The following DIAPH3 variants were observed in gnomAD, a reference collection of about 807,000 sequenced individuals.
DIAPH3 encodes the protein diaphanous related formin 3.
In DIAPH3, 117 loss-of-function variants were observed where a neutral mutation model predicts 144.3. That is an observed-to-expected ratio of 0.81 (90% CI 0.70 to 0.95). The LOEUF (loss-of-function observed/expected upper bound fraction) is 0.95, where lower values mean the gene tolerates loss of function less well. Ranked by LOEUF, DIAPH3 falls within the 40% of genes least tolerant of loss-of-function variation. DIAPH3 has a pLI of 0.00. For synonymous variants in DIAPH3, 519 were observed against 488.9 expected (o/e 1.06, Z -0.81); for missense variants, 1,421 against 1,412.7 (o/e 1.01, Z -0.09).
In DIAPH3 at chr13:59,839,348, A is replaced by C. The variant is rs764840123; in HGVS notation, c.2838T>G (p.His946Gln). 1 of 1,613,674 alleles carries C rather than the reference A, an allele frequency of 6.2e-7. No individual in the cohort carries two copies. The highest frequency in any genetic ancestry group is 8.5e-7 in the Non-Finnish European group (1 of 1,179,760). Residue 946 changes from histidine (H) to glutamine (Q), a missense_variant, in exon 23 of 28, where the codon CAT becomes CAG. Transcript: ENST00000400324. ...LETFPPPEDL[H>Q]DKFVTKMSRF... is the part of the protein sequence containing the mutation. ...TGGACATCTTTGTCACAAACTTGTCATGCAAGTCCTCAGGAGGGGGAAAGG... is the reference window on the plus strand; with the variant it reads ...TGGACATCTTTGTCACAAACTTGTCCTGCAAGTCCTCAGGAGGGGGAAAGG...
rs1015198255 is a variant in DIAPH3, at chr13:59,992,036, T to C, written c.1244+32A>G. On this transcript the variant is annotated intron_variant, in intron 11 of 27. Transcript: ENST00000400324. ...TTGGATTTAGCAATAATTTTATATA[T>C]GATTTGACTAGACTTCAGAACAAAA... 8 of 1,549,828 alleles carry C rather than the reference T, an allele frequency of 5.2e-6. No individual in the cohort carries two copies. The African/African-American group carries it at 6.8e-5, about 13-fold the overall frequency.
intron 1 of DIAPH3, among the ~76,000 whole-genome samples, chr13:60,156,716 C>T (rs1952037650): frequency 6.6e-6 from 1 of 151,700 alleles, no homozygotes; most frequent in Non-Finnish European, 1.5e-5. Context: ...CAGGTTCTCT[C>T]GATTTGAAGT....
chr13:59,942,375 T>C (rs1329934143), intron 17 of DIAPH3, among the ~76,000 whole-genome samples: 1 of 152,170 alleles, frequency 6.6e-6, no homozygotes, highest in African/African-American at 2.4e-5. Context: ...TTTTTTTAGA[T>C]TCATTTATAT....
intron 5 of DIAPH3, 119 bp downstream of exon 5, chr13:60,042,571 G>A: frequency 8.6e-7 from 1 of 1,162,160 alleles, no homozygotes; most frequent in South Asian, 1.3e-5. Context: ...TAAATATTAG[G>A]TATTCAGTTT....
intron 17 of DIAPH3, among the ~76,000 whole-genome samples, chr13:59,935,089 A>C (rs149108579): frequency 2.4e-4 from 36 of 152,324 alleles, no homozygotes; most frequent in South Asian, 8.3e-4. Context: ...TTTTTCAATA[A>C]ATGTAGTCAG....
intron 5 of DIAPH3, among the ~76,000 whole-genome samples, chr13:60,032,425 C>T (rs2054873645): frequency 6.6e-6 from 1 of 152,192 alleles, no homozygotes; most frequent in South Asian, 2.1e-4. Flanking sequence ...TCCATATATC[C>T]TCTAAAATCT....
At chr13:60,026,026 CTAT>C (rs2054347391) in intron 5 of DIAPH3, among the ~76,000 whole-genome samples, 1 of 152,032 alleles carries the variant, frequency 6.6e-6, no homozygotes, top group South Asian at 2.1e-4. Context: ...AAGGCATTTT[CTAT>C]TATTATTCTT....
At chr13:59,932,130 G>A (rs2048051084) in intron 17 of DIAPH3, among the ~76,000 whole-genome samples, 1 of 152,084 alleles carries the variant, frequency 6.6e-6, no homozygotes, top group Non-Finnish European at 1.5e-5. Context: ...CAACTTCTCA[G>A]AAAATGTATA....
At chr13:60,050,540 AGAG>A (rs1024716445) in intron 4 of DIAPH3, among the ~76,000 whole-genome samples, 7 of 152,250 alleles carry the variant, frequency 4.6e-5, no homozygotes, top group Admixed American at 2.6e-4. Context: ...AAGAGAATGA[AGAG>A]GAGGAGGAGG....
At chr13:59,830,186 C>T (rs1043656360) in intron 24 of DIAPH3, among the ~76,000 whole-genome samples, 6 of 151,648 alleles carry the variant, frequency 4.0e-5, no homozygotes, top group African/African-American at 9.7e-5. Context: ...ATCAGAAGAC[C>T]CTGACAAAAC....
At chr13:59,708,963 T>TATAAAG (rs1400583219) in intron 27 of DIAPH3, among the ~76,000 whole-genome samples, 7 of 152,266 alleles carry the variant, frequency 4.6e-5, no homozygotes, top group Admixed American at 3.9e-4. Context: ...GTATCAGGAC[T>TATAAAG]ATAAAGATGA....
intron 20 of DIAPH3, among the ~76,000 whole-genome samples, chr13:59,901,509 T>A (rs1593901104): frequency 6.6e-6 from 1 of 152,166 alleles, no homozygotes; most frequent in Admixed American, 6.5e-5. Context: ...AACACACTCA[T>A]CCTACCACTT....
intron 3 of DIAPH3, among the ~76,000 whole-genome samples, chr13:60,107,849 C>T (rs1384836031): frequency 6.6e-6 from 1 of 152,126 alleles, no homozygotes; most frequent in Non-Finnish European, 1.5e-5. Flanking sequence ...ATTTTGGTAT[C>T]ATTGGAACTC....
intron 18 of DIAPH3, among the ~76,000 whole-genome samples, chr13:59,922,937 T>A (rs1052206101): frequency 2.0e-5 from 3 of 152,142 alleles, no homozygotes; most frequent in Admixed American, 6.6e-5. Flanking sequence ...AGCAATCTTA[T>A]TGAAATCACT....
At chr13:59,716,400 C>A (rs1016970190) in intron 27 of DIAPH3, among the ~76,000 whole-genome samples, 1 of 152,336 alleles carries the variant, frequency 6.6e-6, no homozygotes, top group Admixed American at 6.5e-5. Context: ...TGGTCTCGAT[C>A]TCCTGATCTT....
At chr13:59,799,548 C>T (rs1353444780) in intron 25 of DIAPH3, among the ~76,000 whole-genome samples, 1 of 152,098 alleles carries the variant, frequency 6.6e-6, no homozygotes, top group African/African-American at 2.4e-5. Flanking sequence ...TGAAATTCCC[C>T]GTTTGTTACC....
intron 21 of DIAPH3, among the ~76,000 whole-genome samples, chr13:59,869,859 A>G (rs2044150457): frequency 6.6e-6 from 1 of 152,104 alleles, no homozygotes; most frequent in African/African-American, 2.4e-5. Flanking sequence ...CTTAGTTTTA[A>G]GAGTTTTTGT....
intron 27 of DIAPH3, chr13:59,695,416 A>G (rs1301019410): frequency 6.6e-6 from 1 of 152,240 alleles, no homozygotes; most frequent in East Asian, 1.9e-4. Flanking sequence ...CTTGAAAAGA[A>G]CTTGCTGTTA....
At chr13:59,797,710 C>T (rs1449529928) in intron 25 of DIAPH3, among the ~76,000 whole-genome samples, 1 of 152,082 alleles carries the variant, frequency 6.6e-6, no homozygotes, top group East Asian at 1.9e-4. Flanking sequence ...GACCTGTTTT[C>T]CTTCAAGGGG....
Sources: gnomAD v4.1 joint callset for allele counts (sites outside exome capture counted in the v4.1 genomes callset) on GRCh38, gnomAD v4.1.1 for gene constraint, MANE v1.5 for transcripts, NCBI Gene and HGNC (gene_info 2026-07-23, HGNC 2026-07-21) for gene names.